Variants in IGF1R observed in about 807,000 individuals in gnomAD.
IGF1R encodes the protein insulin-like growth factor 1 receptor.
Under a neutral mutation model 144.6 loss-of-function variants are expected in IGF1R, and 44 were observed. That is an observed-to-expected ratio of 0.30 (90% CI 0.24 to 0.39). IGF1R has a LOEUF of 0.39. IGF1R is among the 10% of genes least tolerant of loss of function. IGF1R has a pLI of 1.00. For missense variants in IGF1R, 1,355 were observed against 1,833.7 expected (o/e 0.74, Z 4.77); for synonymous variants, 795 against 722.8 (o/e 1.10, Z -1.60).
intron 2 of IGF1R, chr15:98,873,681 C>T (rs745888610): frequency 5.9e-5 from 9 of 152,140 alleles, no homozygotes; most frequent in Non-Finnish European, 1.2e-4. Context: ...TGGAAGATTT[C>T]CTGTAAGTTT....
intron 2 of IGF1R, among the ~76,000 whole-genome samples, chr15:98,720,143 A>G (rs1014994934): frequency 6.6e-6 from 1 of 152,216 alleles, no homozygotes; most frequent in Admixed American, 6.5e-5. Context: ...AAATCCCTCC[A>G]GTGTATCTAA....
At chr15:98,730,111 A>C (rs753867642) in intron 2 of IGF1R, among the ~76,000 whole-genome samples, 9 of 152,130 alleles carry the variant, frequency 5.9e-5, no homozygotes, top group Non-Finnish European at 8.8e-5. Context: ...TTGATGAAAG[A>C]ATGTTTAAAA....
At chr15:98,812,782 G>T (rs939355419) in intron 2 of IGF1R, among the ~76,000 whole-genome samples, 1 of 151,368 alleles carries the variant, frequency 6.6e-6, no homozygotes, top group East Asian at 1.9e-4. Flanking sequence ...AATTTCTTAC[G>T]TATTAATATA....
chr15:98,807,152 G>A (rs542141906), intron 2 of IGF1R, among the ~76,000 whole-genome samples: 43 of 152,314 alleles, frequency 2.8e-4, no homozygotes, highest in African/African-American at 9.9e-4. Context: ...TTTCTTGATT[G>A]TAGCATGGTG....
intron 2 of IGF1R, among the ~76,000 whole-genome samples, chr15:98,716,416 G>C (rs2141273450): frequency 6.6e-6 from 1 of 152,264 alleles, no homozygotes; most frequent in Non-Finnish European, 1.5e-5. Flanking sequence ...TGATCATCAT[G>C]TATAATTTGG....
intron 2 of IGF1R, among the ~76,000 whole-genome samples, chr15:98,716,195 C>T (rs746089819): frequency 8.5e-5 from 13 of 152,148 alleles, no homozygotes; most frequent in Admixed American, 4.6e-4. Context: ...TTGCATCGGA[C>T]TACCTGTGCC....
At chr15:98,930,876 G>T (rs1431944444) in intron 15 of IGF1R, among the ~76,000 whole-genome samples, 1 of 152,098 alleles carries the variant, frequency 6.6e-6, no homozygotes, top group African/African-American at 2.4e-5. Flanking sequence ...ATGGAAGTTG[G>T]GTGATCCTCA....
chr15:98,715,755 C>G (rs549477166), intron 2 of IGF1R, among the ~76,000 whole-genome samples: 6 of 152,224 alleles, frequency 3.9e-5, no homozygotes, highest in African/African-American at 7.2e-5. Context: ...GGGACTCTGG[C>G]TATAAAAGGT....
rs8033621 is a variant in IGF1R, at chr15:98,802,060, G to A, written c.641-89265G>A. On this transcript the variant is annotated intron_variant, in intron 2 of 20. Transcript: ENST00000650285. The stretch of plus-strand genomic sequence containing the variant: ...GTCATGTGTGTCCCGTTACCAAGTT[G>A]TGGCCCCTTTTCAACCTTGAGTGCC... Among the ~76,000 whole-genome samples, 1,398 of 152,262 alleles carry A rather than the reference G, an allele frequency of 9.2e-3. 29 individuals carry two copies. The highest frequency in any genetic ancestry group is 0.031 in the African/African-American group (1,306 of 41,538).
In IGF1R at chr15:98,961,316, TTTTG is replaced by T. The variant is rs777834871; in HGVS notation, c.*3878_*3881del. 37 of 233,402 alleles carry T rather than the reference TTTTG, an allele frequency of 1.6e-4. No homozygotes were observed. The highest frequency in any genetic ancestry group is 6.2e-4 in the Admixed American group (11 of 17,786). The allele number at this position is 233,402 out of a possible 1,614,324, so 14.5% of individuals were successfully genotyped here. ...TAAACTGTCCGAGTTACTGATGTCA[TTTTG>T]TTTTTGTTTTATGTAGGTAGCTTTT... On this transcript the variant is annotated 3_prime_UTR_variant, in exon 21 of 21. Coordinates refer to ENST00000650285, the MANE Select transcript of IGF1R (RefSeq NM_000875.5).
intron 20 of IGF1R, among the ~76,000 whole-genome samples, chr15:98,951,548 A>G (rs1160305581): frequency 6.6e-6 from 1 of 152,270 alleles, no homozygotes; most frequent in Non-Finnish European, 1.5e-5. Flanking sequence ...CGAGGAACGC[A>G]GGAGCGGCAT....
chr15:98,952,462 T>G (rs555952301), intron 20 of IGF1R, among the ~76,000 whole-genome samples: 1 of 152,198 alleles, frequency 6.6e-6, no homozygotes, highest in Admixed American at 6.5e-5. Flanking sequence ...TGATGACCAC[T>G]GAATCTGCAT....
At chr15:98,915,899 G>GT in intron 8 of IGF1R, 65 bp from the exon 9 acceptor site, 1 of 1,494,086 alleles carries the variant, frequency 6.7e-7, no homozygotes, top group Non-Finnish European at 9.3e-7. Flanking sequence ...GCTTGCCAGA[G>GT]TATCTGATAG....
At position 98,916,525 on chromosome 15, in the gene IGF1R, G is replaced by A; in HGVS notation, c.1997-147G>A. 6 of 782,712 alleles carry A rather than the reference G, an allele frequency of 7.7e-6. 1 individual carries two copies. The South Asian group carries it at 8.9e-5, about 12-fold the overall frequency. 48.5% of individuals were successfully genotyped at this position (782,712 alleles called of 1,614,324 possible). A position where few individuals can be genotyped will look rare whatever the true frequency, so the allele number is the denominator to read the frequency against. ...GATTTGCCCGCCTCGGCCTCCCAAA[G>A]TGCTGGGATTATAGCCTTGAGCCAC... On this transcript the variant is annotated intron_variant, in intron 9 of 20. Coordinates refer to ENST00000650285, the MANE Select transcript of IGF1R (RefSeq NM_000875.5).
chr15:98,688,132 C>T (rs1340401024), intron 1 of IGF1R, among the ~76,000 whole-genome samples: 1 of 152,130 alleles, frequency 6.6e-6, no homozygotes, highest in Non-Finnish European at 1.5e-5. Context: ...GGTGGCTTCT[C>T]AGTGTGCTCT....
chr15:98,663,844 T>C (rs2052660072), intron 1 of IGF1R, among the ~76,000 whole-genome samples: 1 of 152,194 alleles, frequency 6.6e-6, no homozygotes, highest in Admixed American at 6.5e-5. Flanking sequence ...GAACAGTTTG[T>C]TTAAAGAGGG....
rs544674838 is a variant in IGF1R at position 98,649,525 on chromosome 15, C to CTTTTTTTTTTTTTTTTTTTTT, written c.-53_-33dup. ...TCATTTCCTTTTTTTCTTTTCTTTT[C>CTTTTTTTTTTTTTTTTTTTTT]TTTTTTTTTTTTTTTTTTTTTTTTG... On this transcript the variant is annotated 5_prime_UTR_variant, in exon 1 of 21. Transcript: ENST00000650285. 3.3e-5 allele frequency: 24 copies of CTTTTTTTTTTTTTTTTTTTTT among 726,200 alleles called. 1 individual carries two copies. The highest frequency in any genetic ancestry group is 7.1e-5 in the South Asian group (4 of 56,204). The allele number at this position is 726,200 out of a possible 1,614,324, so 45.0% of individuals were successfully genotyped here. A position where few individuals can be genotyped will look rare whatever the true frequency, so the allele number is the denominator to read the frequency against.
At chr15:98,882,927 C>T (rs2013453496) in intron 2 of IGF1R, among the ~76,000 whole-genome samples, 1 of 152,232 alleles carries the variant, frequency 6.6e-6, no homozygotes, top group African/African-American at 2.4e-5. Context: ...CTGCTGTGCA[C>T]ACTGAGAATT....
intron 2 of IGF1R, among the ~76,000 whole-genome samples, chr15:98,849,691 T>G (rs2011467509): frequency 6.6e-6 from 1 of 151,292 alleles, no homozygotes; most frequent in South Asian, 2.3e-4. Context: ...AAAAACAAAG[T>G]AAAACAGAGC....
Sources: allele counts gnomAD v4.1 joint callset (sites outside exome capture counted in the v4.1 genomes callset), GRCh38; gene constraint gnomAD v4.1.1; transcripts MANE v1.5; gene names NCBI Gene and HGNC (gene_info 2026-07-23, HGNC 2026-07-21).